GNL3L: variants seen among roughly 807,000 people sequenced by gnomAD.
The protein encoded by GNL3L is G protein nucleolar 3 like.
In GNL3L, 4 loss-of-function variants were observed where a neutral mutation model predicts 42.9. The observed-to-expected ratio is 0.09, with a 90% confidence interval of 0.05 to 0.21. The LOEUF (loss-of-function observed/expected upper bound fraction) is 0.21. Among genes scored for constraint, GNL3L ranks in the 10% least tolerant of loss-of-function variants. GNL3L has a pLI of 1.00. For synonymous variants in GNL3L, 159 were observed against 176.3 expected (o/e 0.90, Z 0.78); for missense variants, 412 against 481.7 (o/e 0.86, Z 1.36).
At chrX:54,552,548 C>G in intron 13 of GNL3L, 120 bp downstream of exon 13, 1 of 596,868 alleles carries the variant, frequency 1.7e-6, no homozygotes, top group East Asian at 3.6e-5. Flanking sequence ...GGGCAAGTTG[C>G]TTAAGCAGCT....
At chrX:54,619,260 T>C (rs909921046) in intron 16 of GNL3L, among the ~76,000 whole-genome samples, 10 of 111,171 alleles carry the variant, frequency 9.0e-5, no homozygotes, top group African/African-American at 3.3e-4. Flanking sequence ...TAAGTAATGG[T>C]ATATACAATA....
chrX:54,572,593 C>T (rs1405053341), intron 16 of GNL3L, among the ~76,000 whole-genome samples: 4 of 109,731 alleles, frequency 3.6e-5, no homozygotes, highest in South Asian at 3.9e-4. Flanking sequence ...TGGGCAGAGG[C>T]GCCCCTCACC....
chrX:54,607,052 C>CT lies in GNL3L; in HGVS notation c.*46-13790dup, dbSNP rs1208605385. Among the ~76,000 whole-genome samples, 13 of 55,391 alleles carry CT rather than the reference C, an allele frequency of 2.3e-4. 2 individuals are homozygous for CT. The highest frequency in any genetic ancestry group is 1.2e-3 in the African/African-American group (11 of 9,492). 48.1% of individuals were successfully genotyped at this position (55,391 alleles called of 115,157 possible). On this transcript the variant is annotated intron_variant, in intron 16 of 16. Transcript: ENST00000674498. ...TCTTTCTTTCTTTCTTTCTTTCTTT[C>CT]TTTCTTTCTTTCTTTCTTTCTCTTT...
chrX:54,567,800 A>G (rs1925478897), downstream of GNL3L, among the ~76,000 whole-genome samples: 2 of 110,683 alleles, frequency 1.8e-5, no homozygotes, highest in Admixed American at 1.9e-4. Flanking sequence ...TTAGGAATGG[A>G]TGTTAGATTT....
chrX:54,545,126 G>T lies in GNL3L; in HGVS notation c.630+800G>T, dbSNP rs1008408105. On this transcript the variant is annotated intron_variant, in intron 8 of 15. Transcript: ENST00000360845. ...ACACGGGGTTTCGCCGTGTTGGCCGGGCTGGTCTCAAGCTCCTGACCTCGG... is the reference window on the plus strand; with the variant it reads ...ACACGGGGTTTCGCCGTGTTGGCCGTGCTGGTCTCAAGCTCCTGACCTCGG... 2.7e-5 allele frequency among the ~76,000 whole-genome samples: 3 copies of T among 111,898 alleles called. No individual in the cohort carries two copies. The East Asian group carries it at 8.4e-4, about 31-fold the overall frequency.
At chrX:54,535,872 C>T (rs1304783351) in intron 2 of GNL3L, among the ~76,000 whole-genome samples, 1 of 111,295 alleles carries the variant, frequency 9.0e-6, no homozygotes, top group Non-Finnish European at 1.9e-5. Context: ...AAGTGATCTT[C>T]CTGCCTCAGC....
intron 16 of GNL3L, among the ~76,000 whole-genome samples, chrX:54,583,775 C>T (rs1300406150): frequency 4.5e-5 from 5 of 110,174 alleles, no homozygotes; most frequent in Non-Finnish European, 9.5e-5. Flanking sequence ...CCCAAGTAGC[C>T]GGGACTACAG....
chrX:54,612,663 A>G (rs1038105064), intron 16 of GNL3L, among the ~76,000 whole-genome samples: 4 of 111,309 alleles, frequency 3.6e-5, no homozygotes, highest in Non-Finnish European at 7.5e-5. Flanking sequence ...TCTGAAAATG[A>G]CTGTATCTTT....
At chrX:54,552,207 T>A in intron 12 of GNL3L, 85 bp from the exon 13 acceptor site, 1 of 1,015,787 alleles carries the variant, frequency 9.8e-7, no homozygotes, top group Non-Finnish European at 1.4e-6. Flanking sequence ...CGTTGCTGTT[T>A]CTGGCCTGCA....
chrX:54,559,328 A>G (rs773449063), intron 15 of GNL3L, among the ~76,000 whole-genome samples: 2 of 111,419 alleles, frequency 1.8e-5, no homozygotes, highest in East Asian at 5.6e-4. Context: ...GCTATATATC[A>G]ATAGGCAATA....
downstream of GNL3L, among the ~76,000 whole-genome samples, chrX:54,625,850 T>C (rs1281880384): frequency 9.2e-6 from 1 of 108,228 alleles, no homozygotes; most frequent in Non-Finnish European, 1.9e-5. Flanking sequence ...TTTTATAACA[T>C]GACAAAATAT....
rs971091260 is a variant in GNL3L at position 54,553,198 on chromosome X, G to T, written c.1318+770G>T. Among the ~76,000 whole-genome samples, 31 of 111,765 alleles carry T rather than the reference G, an allele frequency of 2.8e-4. No homozygotes were observed. In the Admixed American group the frequency reaches 2.9e-3, roughly 10 times the overall value. ...TTTTATTAAGATGATTATTTGCTGGGGAACAGAGATGTGACTCTCAGAAAC... is the reference window on the plus strand; with the variant it reads ...TTTTATTAAGATGATTATTTGCTGGTGAACAGAGATGTGACTCTCAGAAAC... On this transcript the variant is annotated intron_variant, in intron 13 of 15. Coordinates refer to ENST00000360845, the MANE Select transcript of GNL3L (RefSeq NM_001184819.2).
chrX:54,590,818 A>ATTTT (rs1925862068), intron 16 of GNL3L, among the ~76,000 whole-genome samples: 1 of 108,601 alleles, frequency 9.2e-6, no homozygotes, highest in African/African-American at 3.4e-5. Flanking sequence ...TTATTTATTT[A>ATTTT]TTCATTCATT....
chrX:54,544,372 G>C (rs1200669964), intron 8 of GNL3L, 46 bp downstream of exon 8: 2 of 679,768 alleles, frequency 2.9e-6, no homozygotes, highest in South Asian at 4.7e-5. Flanking sequence ...GGGTAGTTTG[G>C]GGCCAGAGCT....
the GNL3L span, among the ~76,000 whole-genome samples, chrX:54,634,463 G>A: frequency 3.6e-3 from 377 of 105,438 alleles, 2 homozygotes; most frequent in African/African-American, 0.014. Flanking sequence ...CATCACGCCC[G>A]GCTAATTTGT....
Position 54,560,751 on chromosome X carries a change from A to T in GNL3L, c.*149A>T. 1 of 457,487 alleles carries T rather than the reference A, an allele frequency of 2.2e-6. No individual in the cohort carries two copies. The highest frequency in any genetic ancestry group is 3.9e-6 in the Non-Finnish European group (1 of 259,106). 37.7% of individuals were successfully genotyped at this position (457,487 alleles called of 1,213,427 possible). A position where few individuals can be genotyped will look rare whatever the true frequency, so the allele number is the denominator to read the frequency against. On this transcript the variant is annotated 3_prime_UTR_variant, in exon 16 of 16. Coordinates refer to ENST00000360845, the MANE Select transcript of GNL3L (RefSeq NM_001184819.2). Reference sequence around the variant, plus strand: ...GTCTTCTCCCCCTCCTCCAGTAAAAACAGTCCCGGCTAGGTGCTGTGGCTC... The same window carrying T: ...GTCTTCTCCCCCTCCTCCAGTAAAATCAGTCCCGGCTAGGTGCTGTGGCTC...
Position 54,530,268 on chromosome X carries a change from G to A in GNL3L, c.-199G>A, listed in dbSNP as rs1018082818. The A allele has an allele frequency of 1.9e-5, 2 of 106,838 alleles. No homozygotes were observed. Among genetic ancestry groups the A allele is most frequent in the African/African-American group, 6.7e-5 (2 of 29,689 alleles). The allele number at this position is 106,838 out of a possible 1,213,427, so 8.8% of individuals were successfully genotyped here. A position where few individuals can be genotyped will look rare whatever the true frequency, so the allele number is the denominator to read the frequency against. On this transcript the variant is annotated 5_prime_UTR_variant, in exon 1 of 16. The change creates a new upstream start codon in the 5' untranslated region. Coordinates refer to ENST00000360845, the MANE Select transcript of GNL3L (RefSeq NM_001184819.2). ...TTTCTGCTCGCTCAACCGAGTTGTC[G>A]TGTTGCCCTCGCTTCTCAGATCCCC...
intron 4 of GNL3L, 128 bp from the exon 5 acceptor site, chrX:54,541,145 C>T: frequency 6.4e-6 from 3 of 465,282 alleles, no homozygotes; most frequent in Non-Finnish European, 1.2e-5. Context: ...GATGTCATAT[C>T]TTCCCTCTCC....
chrX:54,607,111 TTC>T (rs1926104665), intron 16 of GNL3L, among the ~76,000 whole-genome samples: 2 of 83,474 alleles, frequency 2.4e-5, no homozygotes, highest in African/African-American at 5.3e-5. Flanking sequence ...CTTTCTTTCT[TTC>T]TTTCTTTCTT....
Sources: allele counts gnomAD v4.1 joint callset (sites outside exome capture counted in the v4.1 genomes callset), GRCh38; gene constraint gnomAD v4.1.1; transcripts MANE v1.5; gene names NCBI Gene and HGNC (gene_info 2026-07-23, HGNC 2026-07-21).